JAK3: variants seen among roughly 807,000 people sequenced by gnomAD.
The protein encoded by JAK3 is tyrosine-protein kinase JAK3.
A neutral mutation model predicts 120.8 loss-of-function variants in JAK3; 88 were observed. That is an observed-to-expected ratio of 0.73 (90% CI 0.61 to 0.87). JAK3 has a LOEUF of 0.87. Among genes scored for constraint, JAK3 ranks in the 40% least tolerant of loss-of-function variants. The pLI is 0.00. For synonymous variants in JAK3, 592 were observed against 628.6 expected, an observed-to-expected ratio of 0.94 and a Z score of 0.87; for missense variants, 1,254 against 1,501.4, an observed-to-expected ratio of 0.84 and a Z score of 2.72.
In JAK3 at chr19:17,843,325, C is replaced by T. The variant is rs1440678013; in HGVS notation, c.420+55G>A. 2.0e-6 allele frequency: 3 copies of T among 1,518,512 alleles called. No homozygotes were observed. Among genetic ancestry groups the T allele is most frequent in the South Asian group, 1.2e-5 (1 of 83,838 alleles). The allele number at this position is 1,518,512 out of a possible 1,614,324, so 94.1% of individuals were successfully genotyped here. A position where few individuals can be genotyped will look rare whatever the true frequency, so the allele number is the denominator to read the frequency against. ...CCCCACCTGATTGCATGCCAGTCCT[C>T]ATGTTGCCCCTTGGACCCCCAACCC... On this transcript the variant is annotated intron_variant, in intron 4 of 23. Transcript: ENST00000458235. This position sits in a 1 kb window ranked among gnomAD's most constrained non-coding sequence, Gnocchi z 5.4.
chr19:17,846,197 C>T (rs1021202184), intron 1 of JAK3, among the ~76,000 whole-genome samples: 3 of 152,190 alleles, frequency 2.0e-5, no homozygotes, highest in Non-Finnish European at 4.4e-5. Context: ...GACTCCCCAG[C>T]ATCCTCATTG....
intron 14 of JAK3, 31 bp from the exon 15 acceptor site, chr19:17,835,246 G>A (rs2147683410): frequency 6.2e-7 from 1 of 1,609,908 alleles, no homozygotes. Flanking sequence ...AAAATGCCCG[G>A]GAGGGTTTGA....
In JAK3 at chr19:17,837,237, A is replaced by G. The variant is rs759687330; in HGVS notation, c.1702-24T>C. 6 of 1,543,266 alleles carry G rather than the reference A, an allele frequency of 3.9e-6. No individual in the cohort carries two copies. In the East Asian group the frequency reaches 7.2e-5, roughly 19 times the overall value. On this transcript the variant is annotated intron_variant, in intron 12 of 23. Transcript: ENST00000458235. Reference sequence around the variant, plus strand: ...GACTGGGGAAGGTGGGAAGGGAGAGAAGATGCGTGGGTTTCTTCCACTCCA... The same window carrying G: ...GACTGGGGAAGGTGGGAAGGGAGAGGAGATGCGTGGGTTTCTTCCACTCCA...
chr19:17,844,576 A>T, intron 1 of JAK3, 146 bp from the exon 2 acceptor site: 1 of 678,858 alleles, frequency 1.5e-6, no homozygotes. Context: ...AGGCGGGAGG[A>T]TCACTTGAGG....
At chr19:17,840,791 C>T (rs985793916) in intron 8 of JAK3, among the ~76,000 whole-genome samples, 2 of 151,850 alleles carry the variant, frequency 1.3e-5, no homozygotes, top group African/African-American at 2.4e-5. Context: ...GAAAATCAGC[C>T]GTAAGTCTTG....
chr19:17,824,901 TC>T lies in JAK3; in HGVS notation c.*1841del. On this transcript the variant is annotated 3_prime_UTR_variant, in exon 24 of 24. Transcript: ENST00000458235. The stretch of plus-strand genomic sequence containing the variant: ...GGGGAGACAGCTGGACACAGACACT[TC>T]CCCAGCCCCAGGGCCAGAGTGGGGC... The T allele has an allele frequency of 4.6e-6, 1 of 216,982 alleles. No homozygotes were observed. Among genetic ancestry groups the T allele is most frequent in the Non-Finnish European group, 9.3e-6 (1 of 107,894 alleles). 13.4% of individuals were successfully genotyped at this position (216,982 alleles called of 1,614,324 possible). A position where few individuals can be genotyped will look rare whatever the true frequency, so the allele number is the denominator to read the frequency against.
rs2094223198 is a variant in JAK3, at chr19:17,835,913, G to A, written c.1914+11C>T. The A allele has an allele frequency of 6.2e-7, 1 of 1,613,588 alleles. No individual in the cohort carries two copies. Among genetic ancestry groups the A allele is most frequent in the South Asian group, 1.1e-5 (1 of 91,086 alleles). The stretch of plus-strand genomic sequence containing the variant: ...GGGAATGGAGGGTGGAGCAGGCAGA[G>A]GAGCACTCACCAGATAGTTGAGGGC... On this transcript the variant is annotated intron_variant, in intron 14 of 23. Coordinates refer to ENST00000458235, the MANE Select transcript of JAK3 (RefSeq NM_000215.4).
At chr19:17,839,782 C>T (rs1161216905) in intron 9 of JAK3, 119 bp from the exon 10 acceptor site, 13 of 940,298 alleles carry the variant, frequency 1.4e-5, no homozygotes, top group Non-Finnish European at 2.1e-5. Flanking sequence ...GCTCTGTCAC[C>T]CAGGCTGGAG....
chr19:17,834,768 C>A (rs533006838), intron 16 of JAK3, 47 bp from the exon 17 acceptor site: 3 of 1,614,036 alleles, frequency 1.9e-6, no homozygotes, highest in Non-Finnish European at 1.7e-6. Context: ...AATAGACCCA[C>A]CCCAATCTCC....
intron 9 of JAK3, 48 bp downstream of exon 9, chr19:17,840,182 C>T: frequency 1.6e-6 from 2 of 1,264,778 alleles, no homozygotes; most frequent in Non-Finnish European, 2.3e-6. Context: ...ATTCAAACGT[C>T]ACCTCCTCCA....
At chr19:17,847,018 C>A (rs994296622) in intron 1 of JAK3, among the ~76,000 whole-genome samples, 2 of 152,102 alleles carry the variant, frequency 1.3e-5, no homozygotes, top group African/African-American at 2.4e-5. Flanking sequence ...CTGCCTCAGC[C>A]TCCTGAGTAG....
At chr19:17,845,139 A>G (rs1263962098) in intron 1 of JAK3, among the ~76,000 whole-genome samples, 3 of 152,152 alleles carry the variant, frequency 2.0e-5, no homozygotes, top group Admixed American at 1.3e-4. Flanking sequence ...GCCAAGAAGG[A>G]AGGATAGCTT....
Position 17,838,018 on chromosome 19 carries a change from A to G in JAK3, c.1615T>C (p.Cys539Arg), listed in dbSNP as rs747421326. 2 of 1,614,118 alleles carry G rather than the reference A, an allele frequency of 1.2e-6. No individual in the cohort carries two copies. Among genetic ancestry groups the G allele is most frequent in the Non-Finnish European group, 1.7e-6 (2 of 1,180,016 alleles). Reference sequence around the variant, plus strand: ...TCCCCATCCACCACCTCATGGCGACAGCCCCGGTAAATCTTGGTGAAGGAC... The same window carrying G: ...TCCCCATCCACCACCTCATGGCGACGGCCCCGGTAAATCTTGGTGAAGGAC... ...HGSFTKIYRGCRHEVVDGEAR... is the reference protein window; with the variant it reads ...HGSFTKIYRGRRHEVVDGEAR... The change falls in exon 12 of 24, where the codon TGT (cysteine) becomes CGT (arginine). Residue 539 changes from cysteine (C) to arginine (R), a missense_variant. By Grantham distance (180) the Cys-to-Arg change is radical. This residue lies in a region of JAK3 where 630 missense variants were observed against 819.8 expected (regional missense o/e 0.77). Transcript: ENST00000458235.
chr19:17,839,140 C>T (rs998617604), intron 10 of JAK3: 5 of 433,342 alleles, frequency 1.2e-5, no homozygotes, highest in East Asian at 1.2e-4. Context: ...AACCAGGGAT[C>T]GGTTCTACCA....
At position 17,844,304 on chromosome 19, in the gene JAK3, G is replaced by C; in HGVS notation, c.114C>G (p.Pro38=). Residue 38 remains proline (P), a synonymous_variant, in exon 2 of 24, where the codon CCC becomes CCG. Coordinates refer to ENST00000458235, the MANE Select transcript of JAK3 (RefSeq NM_000215.4). ...VLLPARGPGP[P]QRLSFSFGDH... is the part of the protein sequence containing the mutation. ...CCCCAAAGGAGAAAGATAGGCGCTG[G>C]GGGGGCCCGGGGCCCCGAGCGGGCA... 1.2e-6 allele frequency: 2 copies of C among 1,607,976 alleles called. No homozygotes were observed. The highest frequency in any genetic ancestry group is 1.1e-5 in the South Asian group (1 of 90,258).
Position 17,843,445 on chromosome 19 carries a change from C to G in JAK3, c.355G>C (p.Gly119Arg), listed in dbSNP as rs763832096. 6.2e-7 allele frequency: 1 copy of G among 1,600,214 alleles called. No individual in the cohort carries two copies. Among genetic ancestry groups the G allele is most frequent in the South Asian group, 1.1e-5 (1 of 89,202 alleles). ...WFGLEKCHRF[G>R]LRKDLASAIL... The stretch of plus-strand genomic sequence containing the variant: ...GCACTGGCCAAATCCTTGCGTAGCC[C>G]GAAGCGGTGGCACTTCTCCAGCCCA... The change falls in exon 4 of 24, where the codon GGG becomes CGG. Residue 119 changes from glycine to arginine, a missense_variant. Gly to Arg is a moderately radical substitution (Grantham distance 125, BLOSUM62 -2). Around this residue, in one of 3 missense-constraint regions of JAK3, gnomAD observed 138 missense variants for 178.7 expected, o/e 0.77. Transcript: ENST00000458235. This position sits in a 1 kb window ranked among gnomAD's most constrained non-coding sequence, Gnocchi z 5.4.
At position 17,838,483 on chromosome 19, in the gene JAK3, T is replaced by C. The variant is rs1261318442; in HGVS notation, c.1442-93A>G. 9 of 1,445,606 alleles carry C rather than the reference T, an allele frequency of 6.2e-6. No individual in the cohort carries two copies. In the East Asian group the frequency reaches 1.8e-4, roughly 29 times the overall value. The allele number at this position is 1,445,606 out of a possible 1,614,324, so 89.5% of individuals were successfully genotyped here. A position where few individuals can be genotyped will look rare whatever the true frequency, so the allele number is the denominator to read the frequency against. On this transcript the variant is annotated intron_variant, in intron 10 of 23. Coordinates refer to ENST00000458235, the MANE Select transcript of JAK3 (RefSeq NM_000215.4). The stretch of plus-strand genomic sequence containing the variant: ...TCATGCCTTAGTTTGAGGTACCCTC[T>C]AGAAGCCGACCCTGAGATGAAGACT...
At position 17,839,647 on chromosome 19, in the gene JAK3, T is replaced by C. The variant is rs1568405193; in HGVS notation, c.1271A>G (p.Asp424Gly). Reference protein sequence around the residue: ...TVCVQNPLGPDYKGCLIRRSP... With the variant: ...TVCVQNPLGPGYKGCLIRRSP... ...GCGCCGGATGAGGCAGCCCTTATAA[T>C]CAGGACCAAGGGGGTTCTGCAAAGA... The change falls in exon 10 of 24, where the codon GAT (aspartate) becomes GGT (glycine). Residue 424 changes from aspartate (D) to glycine (G), a missense_variant. By Grantham distance (94) the Asp-to-Gly change is moderately conservative. This residue lies in a region of JAK3 where 486 missense variants were observed against 503.0 expected (regional missense o/e 0.97). Transcript: ENST00000458235. The C allele has an allele frequency of 2.5e-6, 4 of 1,610,416 alleles. No individual in the cohort carries two copies. In the South Asian group the frequency reaches 4.4e-5, roughly 18 times the overall value.
In JAK3 at chr19:17,838,811, G is replaced by C. The variant is rs988570092; in HGVS notation, c.1442-421C>G. 3.3e-5 allele frequency among the ~76,000 whole-genome samples: 5 copies of C among 150,430 alleles called. No homozygotes were observed. In the Admixed American group the frequency reaches 3.4e-4, roughly 10 times the overall value. On this transcript the variant is annotated intron_variant, in intron 10 of 23. Coordinates refer to ENST00000458235, the MANE Select transcript of JAK3 (RefSeq NM_000215.4). ...GCTCACTGCAACCTCTGCCTCCTGG[G>C]TTCAAGTAATTCTCCTGCCTCAGCC...
Sources: gnomAD v4.1 joint callset for allele counts (sites outside exome capture counted in the v4.1 genomes callset) on GRCh38, gnomAD v4.1.1 for gene constraint, gnomAD v4.1.1 regional missense constraint, Gnocchi (gnomAD v3.1) non-coding constraint, MANE v1.5 for transcripts, NCBI Gene and HGNC (gene_info 2026-07-23, HGNC 2026-07-21) for gene names.